Variants in EPHA5 observed in about 807,000 individuals in gnomAD.
EPHA5 encodes ephrin type-A receptor 5.
EPHA5 carries 60 observed loss-of-function variants against 105.0 expected under a neutral mutation model. The observed-to-expected ratio is 0.57, with a 90% CI of 0.46 to 0.71. The LOEUF (loss-of-function observed/expected upper bound fraction) is 0.71. EPHA5 is among the 30% of genes least tolerant of loss of function. The pLI is 0.00. For synonymous variants in EPHA5, 513 were observed against 449.1 expected (o/e 1.14, Z -1.80); for missense variants, 1,218 against 1,274.7 (o/e 0.96, Z 0.68).
chr4:65,356,334 T>C (rs1388449866), intron 11 of EPHA5, among the ~76,000 whole-genome samples: 2 of 151,542 alleles, frequency 1.3e-5, no homozygotes, highest in Non-Finnish European at 3.0e-5. Flanking sequence ...GAGTAGGATT[T>C]AGATGGAATT....
intron 1 of EPHA5, among the ~76,000 whole-genome samples, chr4:65,665,773 A>G (rs1395440240): frequency 6.6e-6 from 1 of 152,194 alleles, no homozygotes; most frequent in Non-Finnish European, 1.5e-5. Context: ...CCTCAAAAGG[A>G]GCTTAAAATG....
chr4:65,555,394 G>T (rs1422146787), intron 3 of EPHA5, among the ~76,000 whole-genome samples: 4 of 151,810 alleles, frequency 2.6e-5, no homozygotes, highest in African/African-American at 7.3e-5. Flanking sequence ...ACAAGAAAAT[G>T]CCCACCTATC....
intron 14 of EPHA5, among the ~76,000 whole-genome samples, chr4:65,336,435 C>G (rs766548724): frequency 6.6e-6 from 1 of 151,838 alleles, no homozygotes; most frequent in South Asian, 2.1e-4. Flanking sequence ...ATATACAGTT[C>G]ATGTTTTATT....
At chr4:65,520,325 A>G (rs1734563196) in intron 3 of EPHA5, among the ~76,000 whole-genome samples, 1 of 152,216 alleles carries the variant, frequency 6.6e-6, no homozygotes, top group Non-Finnish European at 1.5e-5. Flanking sequence ...GCCTAGCCAT[A>G]TGTCGAAAGC....
chr4:65,535,020 A>G (rs1374042196), intron 3 of EPHA5, among the ~76,000 whole-genome samples: 2 of 152,296 alleles, frequency 1.3e-5, no homozygotes, highest in East Asian at 1.9e-4. Flanking sequence ...TTACTCACTC[A>G]TGATTATTTT....
At chr4:65,559,931 A>G (rs555216679) in intron 3 of EPHA5, among the ~76,000 whole-genome samples, 1 of 152,278 alleles carries the variant, frequency 6.6e-6, no homozygotes, top group African/African-American at 2.4e-5. Flanking sequence ...TCTTATGTAT[A>G]TTTACAAAAG....
At chr4:65,414,780 T>TA (rs1409583189) in intron 6 of EPHA5, among the ~76,000 whole-genome samples, 4 of 146,858 alleles carry the variant, frequency 2.7e-5, no homozygotes, top group African/African-American at 1.0e-4. Flanking sequence ...TTTGTGCTTT[T>TA]TTTCCCTCCA....
chr4:65,403,947 T>C (rs917248228), intron 8 of EPHA5, among the ~76,000 whole-genome samples: 19 of 152,260 alleles, frequency 1.2e-4, no homozygotes, highest in African/African-American at 4.3e-4. Flanking sequence ...ACCACCCTGT[T>C]AGGATAGAAT....
chr4:65,320,805 C>T lies in EPHA5; in HGVS notation c.*3309G>A, dbSNP rs372831808. ...TTTTACAAACTGAATTAAGGATATT[C>T]TGTGTTGTTTAGGCAACTCTGAAAC... On this transcript the variant is annotated 3_prime_UTR_variant, in exon 17 of 17. Transcript: ENST00000613740. 2.5e-4 allele frequency: 58 copies of T among 230,092 alleles called. 1 individual carries two copies. The highest frequency in any genetic ancestry group is 1.2e-3 in the African/African-American group (56 of 45,248). The allele number at this position is 230,092 out of a possible 1,614,324, so 14.3% of individuals were successfully genotyped here. A position where few individuals can be genotyped will look rare whatever the true frequency, so the allele number is the denominator to read the frequency against.
At chr4:65,653,901 G>A (rs1241348068) in intron 1 of EPHA5, among the ~76,000 whole-genome samples, 1 of 151,904 alleles carries the variant, frequency 6.6e-6, no homozygotes, top group African/African-American at 2.4e-5. Context: ...ATGGATCAGA[G>A]GGGTCTTAGC....
At chr4:65,590,255 T>C (rs528389819) in intron 3 of EPHA5, among the ~76,000 whole-genome samples, 2 of 152,280 alleles carry the variant, frequency 1.3e-5, no homozygotes, top group South Asian at 4.1e-4. Context: ...TCAGAAAAGA[T>C]GAAAGCATAT....
At chr4:65,573,595 G>A (rs1330139190) in intron 3 of EPHA5, 5 of 1,598,898 alleles carry the variant, frequency 3.1e-6, no homozygotes, top group Non-Finnish European at 4.2e-6. Context: ...CGTTGCAGCC[G>A]CAACCCTGTC....
At chr4:65,660,292 A>G (rs764752454) in intron 1 of EPHA5, among the ~76,000 whole-genome samples, 1 of 152,114 alleles carries the variant, frequency 6.6e-6, no homozygotes, top group Non-Finnish European at 1.5e-5. Flanking sequence ...AAATTCCAAT[A>G]TTCGATATTA....
intron 8 of EPHA5, among the ~76,000 whole-genome samples, chr4:65,394,150 G>A (rs1201717542): frequency 6.6e-6 from 1 of 152,182 alleles, no homozygotes; most frequent in Non-Finnish European, 1.5e-5. Flanking sequence ...CATGAAGGGA[G>A]GAGGATCTAC....
At chr4:65,377,081 G>A (rs2148920399) in intron 8 of EPHA5, 6 of 1,605,278 alleles carry the variant, frequency 3.7e-6, no homozygotes, top group Non-Finnish European at 4.3e-6. Flanking sequence ...GCAAACAAGA[G>A]AGCCCAAGAT....
At chr4:65,565,440 A>C (rs1029542666) in intron 3 of EPHA5, among the ~76,000 whole-genome samples, 1 of 151,770 alleles carries the variant, frequency 6.6e-6, no homozygotes, top group African/African-American at 2.4e-5. Flanking sequence ...AAAGTCATAT[A>C]AATGTTTTTC....
chr4:65,359,981 C>T (rs1717117988), intron 11 of EPHA5, among the ~76,000 whole-genome samples: 1 of 151,640 alleles, frequency 6.6e-6, no homozygotes, highest in Non-Finnish European at 1.5e-5. Context: ...AATCATTCCA[C>T]TGCAGCGCCA....
intron 14 of EPHA5, among the ~76,000 whole-genome samples, chr4:65,341,735 A>T (rs1268071975): frequency 3.3e-5 from 5 of 151,954 alleles, no homozygotes; most frequent in African/African-American, 1.2e-4. Context: ...GATTAGGAAG[A>T]TTATAGGAAT....
intron 3 of EPHA5, among the ~76,000 whole-genome samples, chr4:65,508,480 G>A (rs1733288336): frequency 6.6e-6 from 1 of 152,032 alleles, no homozygotes; most frequent in Non-Finnish European, 1.5e-5. Context: ...ATTGGGCATT[G>A]TATCATAGTT....
Sources: allele counts gnomAD v4.1 joint callset (sites outside exome capture counted in the v4.1 genomes callset), GRCh38; gene constraint gnomAD v4.1.1; transcripts MANE v1.5; gene names NCBI Gene and HGNC (gene_info 2026-07-23, HGNC 2026-07-21).